CTPS2: variants seen among roughly 807,000 people sequenced by gnomAD.
The protein encoded by CTPS2 is CTP synthase 2, also known as CTP synthase II.
Under a neutral mutation model 46.8 loss-of-function variants are expected in CTPS2, and 19 were observed. That is an observed-to-expected ratio of 0.41 (90% CI 0.28 to 0.60). The LOEUF is 0.60. CTPS2 is among the 20% of genes least tolerant of loss of function. The pLI is 0.35. For missense variants in CTPS2, 286 were observed against 447.6 expected (o/e 0.64, Z 3.26); for synonymous variants, 151 against 165.2 (o/e 0.91, Z 0.66).
At chrX:16,652,045 C>T (rs6632859) in intron 13 of CTPS2, among the ~76,000 whole-genome samples, 20,760 of 109,975 alleles carry the variant, frequency 0.19, 1,680 homozygotes, top group Middle Eastern at 0.29. Flanking sequence ...TGGAAAATTA[C>T]CAAGGAAATA....
chrX:16,610,028 C>T (rs905821641), intron 16 of CTPS2, among the ~76,000 whole-genome samples: 5 of 111,723 alleles, frequency 4.5e-5, no homozygotes, highest in African/African-American at 1.6e-4. Flanking sequence ...TAGGCTAACC[C>T]TGGGTCTTTC....
intron 14 of CTPS2, among the ~76,000 whole-genome samples, chrX:16,624,333 C>T (rs943965196): frequency 1.8e-5 from 2 of 111,967 alleles, no homozygotes. Context: ...TCCTTAAAAA[C>T]TCTATGTTGA....
At position 16,702,948 on chromosome X, in the gene CTPS2, G is replaced by A; in HGVS notation, c.-39-7C>T. 2.8e-6 allele frequency: 3 copies of A among 1,076,620 alleles called. No homozygotes were observed. Among genetic ancestry groups the A allele is most frequent in the Non-Finnish European group, 2.5e-6 (2 of 791,969 alleles). 88.7% of individuals were successfully genotyped at this position (1,076,620 alleles called of 1,213,427 possible). A position where few individuals can be genotyped will look rare whatever the true frequency, so the allele number is the denominator to read the frequency against. On this transcript the variant is annotated splice_polypyrimidine_tract_variant and splice_region_variant and intron_variant, in intron 1 of 18. Coordinates refer to ENST00000359276, the MANE Select transcript of CTPS2 (RefSeq NM_175859.3). ...GCCAACACCCAGATATAATCTGAAA[G>A]GCAATAAAATTATGGATAAGGAAAG... is the stretch of plus-strand genomic sequence containing the variant.
intron 14 of CTPS2, among the ~76,000 whole-genome samples, chrX:16,629,699 C>T (rs11797016): frequency 0.016 from 1,765 of 111,674 alleles, 25 homozygotes; most frequent in African/African-American, 0.053. Flanking sequence ...AAAGCAAAAG[C>T]CATTTTTCTA....
intron 17 of CTPS2, among the ~76,000 whole-genome samples, chrX:16,595,488 A>G (rs1232240455): frequency 9.1e-6 from 1 of 110,247 alleles, no homozygotes; most frequent in African/African-American, 3.3e-5. Flanking sequence ...TTATATTTTT[A>G]GTAGAGACAG....
chrX:16,663,689 C>G (rs901821847), intron 13 of CTPS2, among the ~76,000 whole-genome samples: 1 of 110,789 alleles, frequency 9.0e-6, no homozygotes, highest in African/African-American at 3.3e-5. Flanking sequence ...GACAGCCCAT[C>G]TCTTTAAAAA....
intron 8 of CTPS2, among the ~76,000 whole-genome samples, chrX:16,683,938 G>A (rs780156253): frequency 1.8e-5 from 2 of 111,744 alleles, no homozygotes; most frequent in East Asian, 2.8e-4. Context: ...CTGAGAGAAC[G>A]ATTTAAAATA....
intron 13 of CTPS2, among the ~76,000 whole-genome samples, chrX:16,664,818 G>T (rs1569219330): frequency 9.0e-6 from 1 of 111,556 alleles, no homozygotes; most frequent in Non-Finnish European, 1.9e-5. Flanking sequence ...GAGTGATACT[G>T]GCACCTAGTG....
chrX:16,609,396 A>T (rs1016934721), intron 17 of CTPS2, 145 bp downstream of exon 17: 4 of 583,095 alleles, frequency 6.9e-6, no homozygotes, highest in Non-Finnish European at 5.3e-6. Flanking sequence ...AATCATTTTC[A>T]CAAAGAGAAG....
intron 17 of CTPS2, among the ~76,000 whole-genome samples, chrX:16,596,193 T>C (rs1290084187): frequency 9.0e-6 from 1 of 111,255 alleles, no homozygotes; most frequent in Non-Finnish European, 1.9e-5. Flanking sequence ...TTTTTGTTTT[T>C]TTTTTTATTA....
At chrX:16,639,776 G>GA (rs63051061) in intron 13 of CTPS2, among the ~76,000 whole-genome samples, 3,671 of 45,009 alleles carry the variant, frequency 0.082, 96 homozygotes, top group Middle Eastern at 0.13. Context: ...AAAAGGAAAA[G>GA]AAAAGAAAGA....
chrX:16,701,585 T>C (rs186040916), intron 2 of CTPS2, among the ~76,000 whole-genome samples: 13 of 106,759 alleles, frequency 1.2e-4, no homozygotes, highest in African/African-American at 4.4e-4. Flanking sequence ...GAAGACAGGA[T>C]AGCAACAAGG....
intron 13 of CTPS2, among the ~76,000 whole-genome samples, chrX:16,667,135 G>A (rs200757488): frequency 7.0e-5 from 6 of 85,722 alleles, no homozygotes; most frequent in Non-Finnish European, 1.4e-4. Context: ...ACCCCCCCCC[G>A]CCTTTTTTTT....
intron 14 of CTPS2, 111 bp downstream of exon 14, chrX:16,639,036 C>T (rs959455611): frequency 2.5e-5 from 15 of 592,540 alleles, no homozygotes; most frequent in Admixed American, 4.7e-5. Flanking sequence ...CAGGGCCCTC[C>T]GAGGATGCTG....
At chrX:16,620,983 T>C (rs1930795551) in intron 14 of CTPS2, among the ~76,000 whole-genome samples, 1 of 112,289 alleles carries the variant, frequency 8.9e-6, no homozygotes, top group Non-Finnish European at 1.9e-5. Flanking sequence ...CACTGCTGAA[T>C]TATTTAATAG....
rs149342860 is a variant in CTPS2 at position 16,675,562 on chromosome X, G to A, written c.1094+2800C>T. ...ACTTCTATAATTCTAATATGAATTCGTGTATGTTATTAATAATTATCATTG... is the reference window on the plus strand; with the variant it reads ...ACTTCTATAATTCTAATATGAATTCATGTATGTTATTAATAATTATCATTG... On this transcript the variant is annotated intron_variant, in intron 10 of 18. Coordinates refer to ENST00000359276, the MANE Select transcript of CTPS2 (RefSeq NM_175859.3). 4.3e-3 allele frequency among the ~76,000 whole-genome samples: 478 copies of A among 112,009 alleles called. 2 individuals are homozygous for A. The highest frequency in any genetic ancestry group is 6.0e-3 in the Non-Finnish European group (318 of 53,228).
At chrX:16,675,050 G>C (rs959790842) in intron 10 of CTPS2, among the ~76,000 whole-genome samples, 3 of 110,061 alleles carry the variant, frequency 2.7e-5, no homozygotes, top group Non-Finnish European at 5.7e-5. Flanking sequence ...CGAATCACTT[G>C]AGGTCAGGAG....
intron 10 of CTPS2, among the ~76,000 whole-genome samples, chrX:16,677,541 T>C (rs1922380678): frequency 9.0e-6 from 1 of 111,235 alleles, no homozygotes; most frequent in Admixed American, 9.6e-5. Context: ...AGGGGAAATA[T>C]TGAACCACAG....
At chrX:16,670,366 T>C (rs1445274541) in intron 11 of CTPS2, among the ~76,000 whole-genome samples, 1 of 111,999 alleles carries the variant, frequency 8.9e-6, no homozygotes, top group Admixed American at 9.5e-5. Flanking sequence ...TGTAAACAAA[T>C]TGGTGTGGCT....
Sources: allele counts gnomAD v4.1 joint callset (sites outside exome capture counted in the v4.1 genomes callset), GRCh38; gene constraint gnomAD v4.1.1; transcripts MANE v1.5; gene names NCBI Gene and HGNC (gene_info 2026-07-23, HGNC 2026-07-21).